FHL2: variants seen among roughly 807,000 people sequenced by gnomAD.
FHL2 encodes the protein four and a half LIM domains 2, also known as four and a half LIM domains protein 2.
A neutral mutation model predicts 32.7 loss-of-function variants in FHL2; 20 were observed. That is an observed-to-expected ratio of 0.61 (90% CI 0.43 to 0.89). FHL2 has a LOEUF of 0.89. FHL2 is among the 40% of genes least tolerant of loss of function. The probability of loss-of-function intolerance (pLI) is 0.00; values close to 1 mark genes in which losing one functional copy is unlikely to be tolerated. For synonymous variants in FHL2, 123 were observed against 128.1 expected, an observed-to-expected ratio of 0.96 and a Z score of 0.27; for missense variants, 311 against 358.6, an observed-to-expected ratio of 0.87 and a Z score of 1.07.
chr2:105,406,903 A>G (rs1157241095), intron 1 of FHL2, among the ~76,000 whole-genome samples: 1 of 152,202 alleles, frequency 6.6e-6, no homozygotes, highest in East Asian at 1.9e-4. Flanking sequence ...TAGACCAAAT[A>G]AGGTATCCCA....
intron 2 of FHL2, among the ~76,000 whole-genome samples, chr2:105,388,833 CA>C (rs70953506): frequency 0.061 from 8,878 of 145,568 alleles, 689 homozygotes; most frequent in African/African-American, 0.19. Flanking sequence ...GACTCCGTCT[CA>C]AAAAAAAAAA....
intron 1 of FHL2, among the ~76,000 whole-genome samples, chr2:105,398,181 G>A (rs72945049): frequency 0.088 from 13,439 of 152,074 alleles, 774 homozygotes; most frequent in African/African-American, 0.16. Context: ...ACCCGACTGA[G>A]GATATGAAAA....
At position 105,367,553 on chromosome 2, in the gene FHL2, G is replaced by T; in HGVS notation, c.501+17C>A. 1 of 1,603,374 alleles carries T rather than the reference G, an allele frequency of 6.2e-7. No homozygotes were observed. The highest frequency in any genetic ancestry group is 1.1e-5 in the South Asian group (1 of 89,582). The stretch of plus-strand genomic sequence containing the variant: ...ACCAGCCAGAACGTGCAAGGGCCAA[G>T]GGGGCATCTGAGATACCTTTTTGCA... On this transcript the variant is annotated intron_variant, in intron 5 of 6. Transcript: ENST00000530340.
At chr2:105,373,194 A>G (rs1681219615) in intron 4 of FHL2, among the ~76,000 whole-genome samples, 1 of 152,240 alleles carries the variant, frequency 6.6e-6, no homozygotes. Context: ...TTGGTGAAAT[A>G]ACTGAATGAG....
intron 1 of FHL2, among the ~76,000 whole-genome samples, chr2:105,431,196 A>T (rs981058073): frequency 2.6e-5 from 4 of 152,210 alleles, no homozygotes; most frequent in African/African-American, 9.7e-5. Context: ...TCACAACTTC[A>T]TCGTTCAACA....
upstream of FHL2, chr2:105,399,281 T>A (rs1683368476): frequency 6.5e-7 from 1 of 1,535,780 alleles, no homozygotes. Flanking sequence ...ACAGTAGTTA[T>A]CGGGAGCGTC....
rs548700030 is a variant in FHL2 at position 105,438,374 on chromosome 2, G to A, written c.-25+25C>T. The A allele has an allele frequency of 4.9e-4, 483 of 985,706 alleles. 9 individuals carry two copies. In the South Asian group the frequency reaches 0.02, roughly 40 times the overall value. The allele number at this position is 985,706 out of a possible 1,614,324, so 61.1% of individuals were successfully genotyped here. On this transcript the variant is annotated intron_variant, in intron 1 of 5. Transcript: ENST00000393352. ...GAAGGATGGCAAGGGTGAGAGAAGG[G>A]CACAGGGGAACCAGTGGCCCTTACC...
At chr2:105,370,144 C>T (rs568042910) in intron 4 of FHL2, among the ~76,000 whole-genome samples, 6 of 152,128 alleles carry the variant, frequency 3.9e-5, no homozygotes. Context: ...GAGGCTAAGG[C>T]GGGAGATCTC....
intron 1 of FHL2, 35 bp from the exon 2 acceptor site, chr2:105,396,732 C>T: frequency 6.2e-7 from 1 of 1,606,464 alleles, no homozygotes; most frequent in Admixed American, 1.7e-5. Context: ...TTCAGATGGT[C>T]ATCTTGAGGA....
rs983479116 is a variant in FHL2, at chr2:105,361,087, G to T, written c.*196C>A. 6.3e-6 allele frequency: 3 copies of T among 477,552 alleles called. No individual in the cohort carries two copies. The highest frequency in any genetic ancestry group is 1.1e-5 in the Non-Finnish European group (3 of 276,944). 29.6% of individuals were successfully genotyped at this position (477,552 alleles called of 1,614,324 possible). A position where few individuals can be genotyped will look rare whatever the true frequency, so the allele number is the denominator to read the frequency against. ...ACCATCTTCCCACCTAGGGCCTAGG[G>T]CGAGTTTTCTCTTTCCCTGGGACTG... On this transcript the variant is annotated 3_prime_UTR_variant, in exon 7 of 7. Transcript: ENST00000530340.
In FHL2 at chr2:105,434,912, A is replaced by G. The variant is rs141631422; in HGVS notation, c.-25+3487T>C. On this transcript the variant is annotated intron_variant, in intron 1 of 5. Coordinates refer to the FHL2 transcript ENST00000393352. ...ATAGACTAAATCATTCTGGTTGGTT[A>G]TTTATGATTTTTATAATTGGTGGTA... Among the ~76,000 whole-genome samples, 20 of 152,216 alleles carry G rather than the reference A, an allele frequency of 1.3e-4. No individual in the cohort carries two copies. The East Asian group carries it at 3.5e-3, about 26-fold the overall frequency.
intron 3 of FHL2, among the ~76,000 whole-genome samples, chr2:105,383,396 AC>A (rs1332874298): frequency 2.0e-5 from 3 of 152,198 alleles, no homozygotes; most frequent in Admixed American, 2.0e-4. Flanking sequence ...AATAATCTTT[AC>A]CCTTTGAGAT....
At chr2:105,388,903 T>G (rs1289146608) in intron 2 of FHL2, among the ~76,000 whole-genome samples, 2 of 152,034 alleles carry the variant, frequency 1.3e-5, no homozygotes, top group Non-Finnish European at 2.9e-5. Context: ...CTAAGAAAAC[T>G]TGGTTCAATT....
At chr2:105,408,267 C>T (rs1675504660) in intron 1 of FHL2, among the ~76,000 whole-genome samples, 1 of 152,176 alleles carries the variant, frequency 6.6e-6, no homozygotes, top group South Asian at 2.1e-4. Flanking sequence ...GGTATTTTCC[C>T]CTCACTTGCA....
At chr2:105,396,571 A>G in intron 2 of FHL2, 76 bp downstream of exon 2, 2 of 1,332,308 alleles carry the variant, frequency 1.5e-6, no homozygotes, top group Admixed American at 1.7e-5. Flanking sequence ...TCAAGTTGAC[A>G]CATGAAAGTA....
intron 3 of FHL2, among the ~76,000 whole-genome samples, chr2:105,377,022 G>C (rs755789377): frequency 6.6e-6 from 1 of 152,192 alleles, no homozygotes; most frequent in Non-Finnish European, 1.5e-5. Context: ...GGATGAGAGG[G>C]GAATGGGAGT....
chr2:105,397,867 GTTTTTGTTTTTTTGT>G (rs1683243977), intron 1 of FHL2, among the ~76,000 whole-genome samples: 1 of 72,408 alleles, frequency 1.4e-5, no homozygotes, highest in Non-Finnish European at 3.1e-5. Context: ...GATGCAAATG[GTTTTTGTTTTTTTGT>G]TTTTTGTTTT....
At chr2:105,368,892 G>A (rs1015324916) in intron 4 of FHL2, among the ~76,000 whole-genome samples, 2 of 152,248 alleles carry the variant, frequency 1.3e-5, no homozygotes, top group Non-Finnish European at 2.9e-5. Context: ...TGGCCACTGT[G>A]TAAGACCAAA....
chr2:105,418,460 C>T (rs1389462867), intron 1 of FHL2, among the ~76,000 whole-genome samples: 2 of 152,086 alleles, frequency 1.3e-5, no homozygotes, highest in Admixed American at 6.5e-5. Flanking sequence ...CCATTTTAAT[C>T]TCATAAGTAG....
Sources: allele counts gnomAD v4.1 joint callset (sites outside exome capture counted in the v4.1 genomes callset), GRCh38; gene constraint gnomAD v4.1.1; transcripts MANE v1.5; gene names NCBI Gene and HGNC (gene_info 2026-07-23, HGNC 2026-07-21).